Variants in CSMD1 observed in about 807,000 individuals in gnomAD.
The protein encoded by CSMD1 is CUB and Sushi multiple domains 1.
Under a neutral mutation model 417.5 loss-of-function variants are expected in CSMD1, and 213 were observed. The observed-to-expected ratio is 0.51, with a 90% CI of 0.46 to 0.57. The LOEUF (loss-of-function observed/expected upper bound fraction) is 0.57, where lower values mean the gene tolerates loss of function less well. CSMD1 is among the 20% of genes least tolerant of loss of function. The pLI, the probability that CSMD1 is intolerant of heterozygous loss-of-function variation, is 0.00. For missense variants in CSMD1, 6,923 were observed against 4,529.7 expected (o/e 1.53, Z -15.17); for synonymous variants, 2,862 against 1,736.8 (o/e 1.65, Z -16.11).
At chr8:3,979,710 T>C (rs913936107) in intron 5 of CSMD1, among the ~76,000 whole-genome samples, 1 of 152,194 alleles carries the variant, frequency 6.6e-6, no homozygotes, top group African/African-American at 2.4e-5. Context: ...TACCCAGAAC[T>C]GAATAAGCTG....
chr8:3,438,847 G>A (rs988967076), intron 12 of CSMD1, among the ~76,000 whole-genome samples: 11 of 151,984 alleles, frequency 7.2e-5, no homozygotes, highest in African/African-American at 1.9e-4. Flanking sequence ...CAGGTGTGGT[G>A]GCTTGCACCT....
intron 52 of CSMD1, among the ~76,000 whole-genome samples, chr8:3,010,268 G>A (rs2128962296): frequency 6.6e-6 from 1 of 152,298 alleles, no homozygotes; most frequent in East Asian, 1.9e-4. Flanking sequence ...CTCTTCTACT[G>A]TGTTTTGTTT....
chr8:4,545,457 G>A (rs980231053), intron 2 of CSMD1, among the ~76,000 whole-genome samples: 2 of 152,012 alleles, frequency 1.3e-5, no homozygotes, highest in Non-Finnish European at 2.9e-5. Context: ...AAATAGGAAG[G>A]GCTCGTTTAC....
chr8:4,926,456 G>T (rs777180714), intron 1 of CSMD1, among the ~76,000 whole-genome samples: 1 of 152,142 alleles, frequency 6.6e-6, no homozygotes, highest in Non-Finnish European at 1.5e-5. Flanking sequence ...GCATCTACTA[G>T]AAGCTTTGGA....
intron 1 of CSMD1, among the ~76,000 whole-genome samples, chr8:4,647,485 ATGGTGGTTTGTTACGTAGGTAC>A (rs1304199247): frequency 1.7e-4 from 25 of 148,310 alleles, no homozygotes; most frequent in African/African-American, 6.3e-4. Context: ...CGCGTGTGCC[ATGGTGGTTTGTTACGTAGGTAC>A]GCGTGTGCCA....
intron 5 of CSMD1, among the ~76,000 whole-genome samples, chr8:3,961,294 T>C (rs1812303619): frequency 6.6e-6 from 1 of 152,134 alleles, no homozygotes. Context: ...GCATAAAAGT[T>C]ATATGAGCAT....
At chr8:3,741,079 G>A (rs1215514592) in intron 6 of CSMD1, among the ~76,000 whole-genome samples, 1 of 152,040 alleles carries the variant, frequency 6.6e-6, no homozygotes, top group Non-Finnish European at 1.5e-5. Flanking sequence ...GCCAGGTGTG[G>A]TGATAGGTGC....
intron 10 of CSMD1, among the ~76,000 whole-genome samples, chr8:3,495,291 C>T (rs1483223144): frequency 1.3e-5 from 2 of 152,116 alleles, no homozygotes; most frequent in Non-Finnish European, 2.9e-5. Context: ...TCACTGAGAC[C>T]TGCTGGTTTC....
chr8:4,968,172 A>G (rs78098981), intron 1 of CSMD1, among the ~76,000 whole-genome samples: 1 of 152,146 alleles, frequency 6.6e-6, no homozygotes, highest in African/African-American at 2.4e-5. Flanking sequence ...CTGAAATAGG[A>G]TAATTTTTTC....
intron 3 of CSMD1, among the ~76,000 whole-genome samples, chr8:4,066,361 T>A (rs1263610631): frequency 6.6e-6 from 1 of 152,190 alleles, no homozygotes; most frequent in Non-Finnish European, 1.5e-5. Flanking sequence ...TGTGTGTATT[T>A]CTAAGTCCCA....
At chr8:3,574,182 C>T (rs773180501) in intron 10 of CSMD1, among the ~76,000 whole-genome samples, 18 of 152,112 alleles carry the variant, frequency 1.2e-4, no homozygotes, top group Non-Finnish European at 2.5e-4. Context: ...TCTTGAAAAA[C>T]GTATATAGCT....
chr8:2,968,181 T>A (rs997169162), intron 57 of CSMD1, among the ~76,000 whole-genome samples: 20 of 152,230 alleles, frequency 1.3e-4, no homozygotes, highest in Non-Finnish European at 1.5e-5. Context: ...AGGGTTGGAC[T>A]ATCCAAGACA....
chr8:3,690,342 C>T (rs191052977), intron 7 of CSMD1, among the ~76,000 whole-genome samples: 14 of 152,300 alleles, frequency 9.2e-5, no homozygotes, highest in South Asian at 6.2e-4. Context: ...GGTGACAGAA[C>T]GAGACTCTGT....
intron 3 of CSMD1, among the ~76,000 whole-genome samples, chr8:4,276,909 G>C (rs1350250261): frequency 6.6e-6 from 1 of 152,072 alleles, no homozygotes; most frequent in Non-Finnish European, 1.5e-5. Flanking sequence ...ATGTAATAGA[G>C]TACTGGAATT....
At chr8:3,555,017 G>A (rs893199016) in intron 10 of CSMD1, among the ~76,000 whole-genome samples, 2 of 152,064 alleles carry the variant, frequency 1.3e-5, no homozygotes, top group Non-Finnish European at 2.9e-5. Flanking sequence ...AGGAGGAAGG[G>A]AAGAAGACTG....
At chr8:3,437,351 A>G (rs1463994827) in intron 12 of CSMD1, among the ~76,000 whole-genome samples, 2 of 152,204 alleles carry the variant, frequency 1.3e-5, no homozygotes, top group East Asian at 1.9e-4. Flanking sequence ...AATCTTATCT[A>G]TGAGGTATAG....
intron 1 of CSMD1, among the ~76,000 whole-genome samples, chr8:4,835,087 A>G (rs558900245): frequency 7.2e-5 from 11 of 151,744 alleles, no homozygotes; most frequent in Non-Finnish European, 1.0e-4. Flanking sequence ...TCACTGCCCT[A>G]TAGATATTAG....
At position 3,343,309 on chromosome 8, in the gene CSMD1, G is replaced by A. The variant is rs1164263475; in HGVS notation, c.3616C>T (p.Gln1206Ter). The A allele has an allele frequency of 6.2e-7, 1 of 1,613,538 alleles. No individual in the cohort carries two copies. Among genetic ancestry groups the A allele is most frequent in the Admixed American group, 1.7e-5 (1 of 59,988 alleles). Residue 1206 changes from glutamine to a stop codon, truncating the protein, a stop_gained, in exon 23 of 70, where the codon CAA (glutamine) becomes TAA (stop). Coordinates refer to ENST00000635120, the MANE Select transcript of CSMD1 (RefSeq NM_033225.6). LOFTEE classifies it high-confidence loss of function. Reference sequence around the variant, plus strand: ...TGTTACTTACTGGTATAGGTGAGTTGAAAACCTTGGTCGGTGTCAGATCCA... The same window carrying A: ...TGTTACTTACTGGTATAGGTGAGTTAAAAACCTTGGTCGGTGTCAGATCCA... The part of the protein sequence containing the change: ...TNGSDTDQGF[Q>*]LTYTSFDLVK...
chr8:3,891,840 A>C (rs1307520252), intron 5 of CSMD1, among the ~76,000 whole-genome samples: 1 of 152,134 alleles, frequency 6.6e-6, no homozygotes, highest in African/African-American at 2.4e-5. Flanking sequence ...CTGTAATGGT[A>C]ATCCATTAAA....
Sources: allele counts gnomAD v4.1 joint callset (sites outside exome capture counted in the v4.1 genomes callset), GRCh38; gene constraint gnomAD v4.1.1; transcripts MANE v1.5; gene names NCBI Gene and HGNC (gene_info 2026-07-23, HGNC 2026-07-21).